CD109: variants seen among roughly 807,000 people sequenced by gnomAD.
CD109 encodes the protein CD109 molecule, also known as CD109 antigen.
A neutral mutation model predicts 165.8 loss-of-function variants in CD109; 149 were observed. The observed-to-expected ratio is 0.90, with a 90% confidence interval of 0.79 to 1.03. The LOEUF (loss-of-function observed/expected upper bound fraction) is 1.03. Ranked by LOEUF, CD109 falls within the 50% of genes least tolerant of loss-of-function variation. The probability of loss-of-function intolerance (pLI) is 0.00; values close to 1 mark genes in which losing one functional copy is unlikely to be tolerated. For missense variants in CD109, 1,712 were observed against 1,677.8 expected, an observed-to-expected ratio of 1.02 and a Z score of -0.36; for synonymous variants, 585 against 592.1, an observed-to-expected ratio of 0.99 and a Z score of 0.18.
At chr6:73,731,567 A>G (rs960109222) in intron 4 of CD109, among the ~76,000 whole-genome samples, 7 of 152,222 alleles carry the variant, frequency 4.6e-5, no homozygotes, top group South Asian at 2.1e-4. Context: ...GGGCTCATGC[A>G]GGGCCTTATT....
intron 6 of CD109, among the ~76,000 whole-genome samples, chr6:73,758,059 G>A (rs974519312): frequency 2.6e-5 from 4 of 152,058 alleles, no homozygotes; most frequent in African/African-American, 9.7e-5. Flanking sequence ...GGGTTGCGGG[G>A]GCGGGGTCAT....
At chr6:73,713,582 ATC>A (rs1348412538) in intron 2 of CD109, among the ~76,000 whole-genome samples, 1 of 152,002 alleles carries the variant, frequency 6.6e-6, no homozygotes, top group Non-Finnish European at 1.5e-5. Context: ...CTAGCTCTGT[ATC>A]TTTCTTGCAT....
intron 28 of CD109, among the ~76,000 whole-genome samples, chr6:73,811,559 A>G (rs150576244): frequency 6.6e-6 from 1 of 152,318 alleles, no homozygotes; most frequent in East Asian, 1.9e-4. Context: ...AGATCATGTT[A>G]CTAGTAACAG....
Position 73,766,068 on chromosome 6 carries a change from C to G in CD109, c.1246C>G (p.Gln416Glu), listed in dbSNP as rs113690012. The G allele has an allele frequency of 3.6e-3, 5,743 of 1,613,958 alleles. 17 individuals carry two copies. Among genetic ancestry groups the G allele is most frequent in the Non-Finnish European group, 4.7e-3 (5,517 of 1,179,896 alleles). The part of the protein sequence containing the change: ...NSGNQKMEAV[Q>E]KINYTVPQSG... ...TGGAAATCAGAAAATGGAAGCTGTT[C>G]AGAAAATAAATTATACTGTCCCCCA... Residue 416 changes from glutamine to glutamate, a missense_variant, in exon 11 of 33, where the codon CAG (glutamine) becomes GAG (glutamate). Coordinates refer to ENST00000287097, the MANE Select transcript of CD109 (RefSeq NM_133493.5).
chr6:73,782,808 T>C, intron 18 of CD109, 53 bp downstream of exon 18: 1 of 1,566,076 alleles, frequency 6.4e-7, no homozygotes. Context: ...GTGTTTGTTT[T>C]AAATAAGCTT....
Position 73,791,150 on chromosome 6 carries a change from TATATATATATATATATATATATATATAC to T in CD109, c.2702-1474_2702-1447del, listed in dbSNP as rs1375511859. The stretch of plus-strand genomic sequence containing the variant: ...ATACATACATACATATATATATATA[TATATATATATATATATATATATATATAC>T]ACACACACACATACATATATATATA... On this transcript the variant is annotated intron_variant, in intron 22 of 32. Coordinates refer to ENST00000287097, the MANE Select transcript of CD109 (RefSeq NM_133493.5). 2.6e-4 allele frequency among the ~76,000 whole-genome samples: 7 copies of T among 27,324 alleles called. No homozygotes were observed. The South Asian group carries it at 4.6e-3, about 18-fold the overall frequency. 17.9% of individuals were successfully genotyped at this position (27,324 alleles called of 152,430 possible). A position where few individuals can be genotyped will look rare whatever the true frequency, so the allele number is the denominator to read the frequency against.
chr6:73,777,064 T>A (rs1356629085), intron 15 of CD109, among the ~76,000 whole-genome samples: 1 of 85,598 alleles, frequency 1.2e-5, no homozygotes, highest in African/African-American at 5.3e-5. Context: ...GTTCAAGTGA[T>A]TCTCCTGCCT....
intron 4 of CD109, among the ~76,000 whole-genome samples, chr6:73,734,497 T>C (rs1304416607): frequency 1.3e-5 from 2 of 152,286 alleles, no homozygotes; most frequent in Non-Finnish European, 2.9e-5. Context: ...TTGTATTTCT[T>C]CCTTTGTTCC....
At chr6:73,780,548 C>T (rs1774446318) in intron 16 of CD109, 50 bp downstream of exon 16, 1 of 1,171,160 alleles carries the variant, frequency 8.5e-7, no homozygotes, top group African/African-American at 1.5e-5. Context: ...TTTACTATTG[C>T]AAACCCTTTC....
intron 15 of CD109, among the ~76,000 whole-genome samples, chr6:73,776,377 CG>C (rs1277703785): frequency 1.3e-5 from 2 of 151,806 alleles, no homozygotes; most frequent in Admixed American, 6.6e-5. Flanking sequence ...CTCAGCCTCC[CG>C]AGTAGCTGGG....
At chr6:73,740,744 C>G (rs1237138641) in intron 5 of CD109, among the ~76,000 whole-genome samples, 5 of 151,952 alleles carry the variant, frequency 3.3e-5, no homozygotes, top group Non-Finnish European at 7.4e-5. Context: ...AGGCATGCAC[C>G]ACCATGCCCA....
intron 5 of CD109, among the ~76,000 whole-genome samples, chr6:73,753,388 G>T (rs1773268797): frequency 2.0e-5 from 3 of 152,116 alleles, no homozygotes. Flanking sequence ...TTTTGTACTT[G>T]ATTATATATC....
At chr6:73,736,251 A>G in intron 4 of CD109, 132 bp from the exon 5 acceptor site, 1 of 846,714 alleles carries the variant, frequency 1.2e-6, no homozygotes, top group African/African-American at 1.7e-5. Context: ...CCATCCAGCC[A>G]TATTTGTGCC....
Position 73,736,448 on chromosome 6 carries a change from A to G in CD109, c.573A>G (p.Lys191=), listed in dbSNP as rs1234826583. The part of the protein sequence containing the change: ...SQQSDLGVIS[K]TFQLSSHPIL... Reference sequence around the variant, plus strand: ...AAAGTGATCTTGGAGTCATTTCCAAAACTTTTCAGCTATCTTCCCATCCAA... The same window carrying G: ...AAAGTGATCTTGGAGTCATTTCCAAGACTTTTCAGCTATCTTCCCATCCAA... The change falls in exon 5 of 33, where the codon AAA becomes AAG. Residue 191 remains lysine, a synonymous_variant. Transcript: ENST00000287097. The G allele has an allele frequency of 6.2e-7, 1 of 1,613,954 alleles. No individual in the cohort carries two copies. The highest frequency in any genetic ancestry group is 8.5e-7 in the Non-Finnish European group (1 of 1,179,882).
intron 26 of CD109, among the ~76,000 whole-genome samples, chr6:73,809,079 T>C (rs1466102511): frequency 6.6e-6 from 1 of 152,138 alleles, no homozygotes; most frequent in Non-Finnish European, 1.5e-5. Flanking sequence ...TCTTCTTGTC[T>C]GCTTGGCTAA....
rs746269698 is a variant in CD109, at chr6:73,785,350, T to A, written c.2224-14T>A. 7.2e-7 allele frequency: 1 copy of A among 1,395,922 alleles called. No homozygotes were observed. The highest frequency in any genetic ancestry group is 1.7e-5 in the Admixed American group (1 of 57,262). The allele number at this position is 1,395,922 out of a possible 1,614,324, so 86.5% of individuals were successfully genotyped here. A position where few individuals can be genotyped will look rare whatever the true frequency, so the allele number is the denominator to read the frequency against. On this transcript the variant is annotated splice_polypyrimidine_tract_variant and intron_variant, in intron 19 of 32. Coordinates refer to ENST00000287097, the MANE Select transcript of CD109 (RefSeq NM_133493.5). ...GACCTGAATAAAAATATGTACTCGT[T>A]GTGTTCTTTCCAGCTCCAAGCCTTC...
chr6:73,754,605 A>G (rs1426212672), intron 5 of CD109, among the ~76,000 whole-genome samples: 1 of 152,234 alleles, frequency 6.6e-6, no homozygotes, highest in African/African-American at 2.4e-5. Context: ...TCAAATAAGT[A>G]AGTTGATTTC....
chr6:73,791,734 C>G (rs746629718), intron 22 of CD109, among the ~76,000 whole-genome samples: 1 of 152,160 alleles, frequency 6.6e-6, no homozygotes, highest in African/African-American at 2.4e-5. Context: ...AACACATAGC[C>G]TGCAGTGGTA....
At chr6:73,691,616 T>C (rs1048092939), upstream of CD109, among the ~76,000 whole-genome samples, 1 of 152,206 alleles carries the variant, frequency 6.6e-6, no homozygotes, top group Non-Finnish European at 1.5e-5. Context: ...AAGATGGACA[T>C]GGGTTCCACT....
Sources: gnomAD v4.1 joint callset for allele counts (sites outside exome capture counted in the v4.1 genomes callset) on GRCh38, gnomAD v4.1.1 for gene constraint, MANE v1.5 for transcripts, NCBI Gene and HGNC (gene_info 2026-07-23, HGNC 2026-07-21) for gene names.